Variants in RYK observed in about 807,000 individuals in gnomAD.
RYK encodes inactive tyrosine-protein kinase RYK.
Under a neutral mutation model 70.2 loss-of-function variants are expected in RYK, and 21 were observed. The observed-to-expected ratio is 0.30, with a 90% confidence interval of 0.21 to 0.43. The LOEUF is 0.43. Among genes scored for constraint, RYK ranks in the 20% least tolerant of loss-of-function variants. The probability of loss-of-function intolerance (pLI) is 1.00; values close to 1 mark genes in which losing one functional copy is unlikely to be tolerated. For missense variants in RYK, 604 were observed against 753.3 expected (o/e 0.80, Z 2.32); for synonymous variants, 267 against 278.0 (o/e 0.96, Z 0.39).
chr3:134,212,955 A>C (rs1488270219), intron 2 of RYK, among the ~76,000 whole-genome samples: 1 of 149,890 alleles, frequency 6.7e-6, no homozygotes. Context: ...CAACTGTTAA[A>C]GGCTGTGTTT....
At chr3:134,200,760 T>C (rs1180210251) in intron 6 of RYK, among the ~76,000 whole-genome samples, 2 of 152,164 alleles carry the variant, frequency 1.3e-5, no homozygotes, top group Non-Finnish European at 2.9e-5. Flanking sequence ...GTAAACAGAA[T>C]AGCCAGGCTT....
At chr3:134,208,932 C>A (rs931331584) in intron 4 of RYK, among the ~76,000 whole-genome samples, 16 of 152,076 alleles carry the variant, frequency 1.1e-4, no homozygotes, top group Non-Finnish European at 1.9e-4. Context: ...ATTTCCCCCC[C>A]CCATCTTAGA....
chr3:134,222,322 C>G (rs1459606688), intron 2 of RYK, 96 bp downstream of exon 2: 4 of 1,258,234 alleles, frequency 3.2e-6, no homozygotes, highest in African/African-American at 3.0e-5. Flanking sequence ...ACCAGCGGAC[C>G]CTTCAGTACA....
At chr3:134,242,528 G>C (rs940318766) in intron 1 of RYK, among the ~76,000 whole-genome samples, 2 of 152,136 alleles carry the variant, frequency 1.3e-5, no homozygotes, top group African/African-American at 4.8e-5. Flanking sequence ...GCACAAAAAT[G>C]TATACCTTTA....
chr3:134,193,704 G>A (rs938934703), intron 7 of RYK, among the ~76,000 whole-genome samples: 8 of 152,130 alleles, frequency 5.3e-5, no homozygotes, highest in African/African-American at 1.7e-4. Flanking sequence ...AAGAGTAGCT[G>A]CTATTATTAT....
intron 10 of RYK, chr3:134,178,786 T>A (rs2013196171): frequency 6.6e-6 from 1 of 152,224 alleles, no homozygotes; most frequent in African/African-American, 2.4e-5. Context: ...TCCTACTGTC[T>A]AATAACACCT....
chr3:134,195,969 T>C (rs577662272), intron 6 of RYK, among the ~76,000 whole-genome samples: 38 of 152,162 alleles, frequency 2.5e-4, no homozygotes, highest in Non-Finnish European at 5.1e-4. Flanking sequence ...GTATCAAATT[T>C]GGTTCAAGTT....
chr3:134,216,064 T>G (rs1191374038), intron 2 of RYK, among the ~76,000 whole-genome samples: 4 of 138,842 alleles, frequency 2.9e-5, no homozygotes, highest in African/African-American at 5.4e-5. Context: ...AAAAAGAAAA[T>G]AAAAGGAAAG....
At chr3:134,200,951 T>C (rs1560013857) in intron 6 of RYK, among the ~76,000 whole-genome samples, 1 of 152,234 alleles carries the variant, frequency 6.6e-6, no homozygotes, top group Admixed American at 6.5e-5. Context: ...CAGAGGTAGA[T>C]GCCCCATGGA....
chr3:134,219,972 A>G (rs9812346), intron 2 of RYK, among the ~76,000 whole-genome samples: 112,070 of 152,148 alleles, frequency 0.74, 41,860 homozygotes, highest in East Asian at 0.99. Flanking sequence ...TATATAAAGT[A>G]AAAAACTTGA....
chr3:134,223,300 C>A (rs1383717706), intron 1 of RYK, among the ~76,000 whole-genome samples: 5 of 152,204 alleles, frequency 3.3e-5, no homozygotes, highest in Non-Finnish European at 1.5e-5. Context: ...AGGGCACATA[C>A]AATCTTCCAT....
intron 9 of RYK, among the ~76,000 whole-genome samples, chr3:134,185,485 A>G (rs917147385): frequency 2.6e-5 from 4 of 152,230 alleles, no homozygotes; most frequent in African/African-American, 7.2e-5. Flanking sequence ...GTAGGAATGT[A>G]AAATGGGTAG....
chr3:134,222,409 C>A lies in RYK; in HGVS notation c.354+9G>T, dbSNP rs1383166080. On this transcript the variant is annotated intron_variant, in intron 2 of 14. Transcript: ENST00000623711. Reference sequence around the variant, plus strand: ...CTGTCATGATGTCTGTGGTTAGCCACTCTCTTACCTTGGACTTCGCATGCC... The same window carrying A: ...CTGTCATGATGTCTGTGGTTAGCCAATCTCTTACCTTGGACTTCGCATGCC... 6.2e-7 allele frequency: 1 copy of A among 1,612,542 alleles called. No individual in the cohort carries two copies. Among genetic ancestry groups the A allele is most frequent in the South Asian group, 1.1e-5 (1 of 91,014 alleles).
chr3:134,242,708 CAT>C (rs1238172556), intron 1 of RYK, among the ~76,000 whole-genome samples: 3 of 152,202 alleles, frequency 2.0e-5, no homozygotes, highest in East Asian at 1.9e-4. Flanking sequence ...TAAATACTCA[CAT>C]GTTTGATTTG....
chr3:134,209,664 TA>T (rs1306184922), intron 4 of RYK, 30 bp downstream of exon 4: 2 of 1,389,732 alleles, frequency 1.4e-6, no homozygotes, highest in African/African-American at 1.5e-5. Context: ...CACATACATG[TA>T]AAACATATTT....
chr3:134,166,724 G>A (rs1381492792), intron 13 of RYK, among the ~76,000 whole-genome samples: 1 of 152,200 alleles, frequency 6.6e-6, no homozygotes, highest in Non-Finnish European at 1.5e-5. Context: ...GGAATGTAAA[G>A]AGTTGTTTAC....
In RYK at chr3:134,165,248, C is replaced by T. The variant is rs1180737944; in HGVS notation, c.1576-5875G>A. On this transcript the variant is annotated intron_variant, in intron 13 of 14. Coordinates refer to ENST00000623711, the MANE Select transcript of RYK (RefSeq NM_002958.4). ...ACTGATCTTGCAATCTTTCTAAACT[C>T]ACTTATTAGTTTTAGTAGCTTTTTT... 7.2e-5 allele frequency among the ~76,000 whole-genome samples: 11 copies of T among 152,166 alleles called. No homozygotes were observed. In the East Asian group the frequency reaches 1.7e-3, roughly 24 times the overall value.
intron 1 of RYK, among the ~76,000 whole-genome samples, chr3:134,233,022 C>A (rs528120056): frequency 6.6e-4 from 101 of 152,364 alleles, no homozygotes; most frequent in African/African-American, 2.3e-3. Flanking sequence ...ATCCTTTGCA[C>A]AGCAAGCTGC....
chr3:134,226,530 C>T (rs2014915430), intron 1 of RYK, among the ~76,000 whole-genome samples: 1 of 151,990 alleles, frequency 6.6e-6, no homozygotes, highest in South Asian at 2.1e-4. Flanking sequence ...AAAAAACTTA[C>T]TAAAACATAA....
Sources: gnomAD v4.1 joint callset for allele counts (sites outside exome capture counted in the v4.1 genomes callset) on GRCh38, gnomAD v4.1.1 for gene constraint, MANE v1.5 for transcripts, NCBI Gene and HGNC (gene_info 2026-07-23, HGNC 2026-07-21) for gene names.